SENP5: variants seen among roughly 807,000 people sequenced by gnomAD.
SENP5 encodes the protein SUMO specific peptidase 5.
Under a neutral mutation model 74.2 loss-of-function variants are expected in SENP5, and 21 were observed. The observed-to-expected ratio is 0.28, with a 90% CI of 0.20 to 0.41. SENP5 has a LOEUF of 0.41. Ranked by LOEUF, SENP5 falls within the 10% of genes least tolerant of loss-of-function variation. The pLI is 1.00. For missense variants in SENP5, 717 were observed against 889.1 expected (o/e 0.81, Z 2.46); for synonymous variants, 311 against 312.7 (o/e 0.99, Z 0.06).
At chr3:196,912,956 A>T (rs190889047) in intron 6 of SENP5, 7 of 152,382 alleles carry the variant, frequency 4.6e-5, no homozygotes, top group Admixed American at 4.6e-4. Context: ...AATCATATTA[A>T]TAGCAGTTGA....
Position 196,931,516 on chromosome 3 carries a change from C to T in SENP5, c.*593C>T, listed in dbSNP as rs1038986783. The T allele has an allele frequency of 1.4e-4, 28 of 199,480 alleles. 1 individual carries two copies. Among genetic ancestry groups the T allele is most frequent in the Middle Eastern group, 4.0e-3 (2 of 494 alleles). 12.4% of individuals were successfully genotyped at this position (199,480 alleles called of 1,614,324 possible). On this transcript the variant is annotated 3_prime_UTR_variant, in exon 10 of 10. Coordinates refer to ENST00000323460, the MANE Select transcript of SENP5 (RefSeq NM_152699.5). ...GAAGTGGTCGTAAACTGACTGGTGT[C>T]TTCTGTTTCTGGAGGCACACTTGTA...
At chr3:196,914,582 A>T (rs1180748159) in intron 6 of SENP5, 978 of 65,440 alleles carry the variant, frequency 0.015, 7 homozygotes, top group African/African-American at 0.042. Context: ...AAAAAAAAAA[A>T]AAAAATATAT....
In SENP5 at chr3:196,931,851, T is replaced by C. The variant is rs529076247; in HGVS notation, c.*928T>C. On this transcript the variant is annotated 3_prime_UTR_variant, in exon 10 of 10. Coordinates refer to ENST00000323460, the MANE Select transcript of SENP5 (RefSeq NM_152699.5). ...AAGGTTTACCAAATGCATTTCTATT[T>C]CAAGGGTATCTGAAACGTAAACATT... The C allele has an allele frequency of 2.3e-6, 1 of 433,398 alleles. No individual in the cohort carries two copies. Among genetic ancestry groups the C allele is most frequent in the South Asian group, 1.7e-5 (1 of 60,544 alleles). The allele number at this position is 433,398 out of a possible 1,614,324, so 26.8% of individuals were successfully genotyped here.
At chr3:196,912,629 A>G (rs1452339057) in intron 6 of SENP5, 4 of 152,206 alleles carry the variant, frequency 2.6e-5, no homozygotes, top group Non-Finnish European at 5.9e-5. Context: ...ATGTATACCT[A>G]TGTAACAAAC....
intron 1 of SENP5, among the ~76,000 whole-genome samples, chr3:196,872,030 G>A (rs956778343): frequency 3.9e-5 from 6 of 152,116 alleles, no homozygotes; most frequent in South Asian, 2.1e-4. Context: ...GATTACAGGC[G>A]TGAGCCACCA....
rs1713897774 is a variant in SENP5 at position 196,885,184 on chromosome 3, G to GA, written c.9dup (p.Gln4ThrfsTer16). On this transcript the variant is annotated frameshift_variant, in exon 2 of 10. Coordinates refer to ENST00000323460, the MANE Select transcript of SENP5 (RefSeq NM_152699.5). LOFTEE classifies it high-confidence loss of function. ...AGATCTCATTATGCATCAGAAAAAT[G>GA]AAAAAACAGAGGAAAATTCTATGGA... 1.2e-6 allele frequency: 2 copies of GA among 1,608,074 alleles called. No homozygotes were observed. The highest frequency in any genetic ancestry group is 1.3e-5 in the African/African-American group (1 of 74,532).
chr3:196,933,020 GTTTTT>G lies in SENP5; in HGVS notation c.*2108_*2112del. On this transcript the variant is annotated 3_prime_UTR_variant, in exon 10 of 10. Coordinates refer to ENST00000323460, the MANE Select transcript of SENP5 (RefSeq NM_152699.5). ...ACTAAATGTTGAGTTTGGGTTTTTT[GTTTTT>G]TTTTTTTTTTGAGTCAGAGTCTCAC... 8.5e-6 allele frequency: 1 copy of G among 117,798 alleles called. No homozygotes were observed. The allele number at this position is 117,798 out of a possible 1,614,324, so 7.3% of individuals were successfully genotyped here. A position where few individuals can be genotyped will look rare whatever the true frequency, so the allele number is the denominator to read the frequency against.
intron 7 of SENP5, among the ~76,000 whole-genome samples, chr3:196,927,513 A>G (rs1184006345): frequency 6.6e-6 from 1 of 152,032 alleles, no homozygotes; most frequent in Non-Finnish European, 1.5e-5. Context: ...GTGTACACCT[A>G]TAGTCCCAGC....
At chr3:196,908,009 T>G (rs1190295385) in intron 6 of SENP5, among the ~76,000 whole-genome samples, 1 of 152,092 alleles carries the variant, frequency 6.6e-6, no homozygotes, top group Non-Finnish European at 1.5e-5. Context: ...GTGTCTCACA[T>G]CTGCAGTCTG....
At chr3:196,893,713 T>C (rs201038377) in intron 2 of SENP5, among the ~76,000 whole-genome samples, 1 of 151,958 alleles carries the variant, frequency 6.6e-6, no homozygotes, top group African/African-American at 2.4e-5. Context: ...AGTTCAAGAC[T>C]AGCCTGACCA....
At chr3:196,868,362 A>G (rs1382794307) in intron 1 of SENP5, among the ~76,000 whole-genome samples, 2 of 152,206 alleles carry the variant, frequency 1.3e-5, no homozygotes, top group Admixed American at 1.3e-4. Context: ...GAAGCCGGGA[A>G]AGCTCTGAGA....
chr3:196,880,342 C>T (rs547754109), intron 1 of SENP5, among the ~76,000 whole-genome samples: 43 of 152,306 alleles, frequency 2.8e-4, no homozygotes, highest in Admixed American at 1.6e-3. Flanking sequence ...CCGCCTCCCA[C>T]GTAGGTGGGT....
intron 2 of SENP5, among the ~76,000 whole-genome samples, chr3:196,891,506 C>T (rs1379329652): frequency 6.6e-6 from 1 of 152,166 alleles, no homozygotes; most frequent in East Asian, 1.9e-4. Flanking sequence ...TGGCTCACAT[C>T]TGTAATCCCA....
chr3:196,926,087 C>G (rs1715800266), intron 7 of SENP5, among the ~76,000 whole-genome samples: 1 of 152,230 alleles, frequency 6.6e-6, no homozygotes, highest in South Asian at 2.1e-4. Flanking sequence ...GCTTTATTCA[C>G]TAGTGTCCCC....
intron 1 of SENP5, among the ~76,000 whole-genome samples, chr3:196,880,867 G>A (rs1484015655): frequency 2.6e-5 from 4 of 151,676 alleles, no homozygotes; most frequent in Admixed American, 2.6e-4. Flanking sequence ...TCTCGAACTC[G>A]CGACCTCAGG....
intron 2 of SENP5, among the ~76,000 whole-genome samples, chr3:196,888,443 T>C (rs762544018): frequency 1.3e-5 from 2 of 151,626 alleles, no homozygotes; most frequent in Non-Finnish European, 2.9e-5. Context: ...ATCAGCCAGG[T>C]GTTGTGGTGC....
chr3:196,918,326 C>A (rs1577841417), intron 6 of SENP5, among the ~76,000 whole-genome samples: 1 of 145,718 alleles, frequency 6.9e-6, no homozygotes. Flanking sequence ...AAAGTAGAAA[C>A]AACAAAAAGT....
At position 196,917,275 on chromosome 3, in the gene SENP5, G is replaced by A. The variant is rs1715418030; in HGVS notation, c.1885-6139G>A. Among the ~76,000 whole-genome samples the A allele has an allele frequency of 2.0e-5, 3 of 152,076 alleles. No homozygotes were observed. In the South Asian group the frequency reaches 6.2e-4, roughly 32 times the overall value. ...GAATTAGTAAGCTTAAGGACAGACTGTATGTAAATACACAGAGGAGAAAAA... is the reference window on the plus strand; with the variant it reads ...GAATTAGTAAGCTTAAGGACAGACTATATGTAAATACACAGAGGAGAAAAA... On this transcript the variant is annotated intron_variant, in intron 6 of 9. Transcript: ENST00000323460.
chr3:196,932,149 A>G lies in SENP5; in HGVS notation c.*1226A>G, dbSNP rs939146830. On this transcript the variant is annotated 3_prime_UTR_variant, in exon 10 of 10. Transcript: ENST00000323460. ...CATACACTTAGCTGCATTAGGATGA[A>G]TATCACGCGTCTCACATCTTTAATC... 5.8e-5 allele frequency: 11 copies of G among 188,904 alleles called. No homozygotes were observed. The highest frequency in any genetic ancestry group is 1.7e-4 in the African/African-American group (7 of 41,820). The allele number at this position is 188,904 out of a possible 1,614,324, so 11.7% of individuals were successfully genotyped here.
Sources: allele counts gnomAD v4.1 joint callset (sites outside exome capture counted in the v4.1 genomes callset), GRCh38; gene constraint gnomAD v4.1.1; transcripts MANE v1.5; gene names NCBI Gene and HGNC (gene_info 2026-07-23, HGNC 2026-07-21).